FANCD2: variants seen among roughly 807,000 people sequenced by gnomAD.
The protein encoded by FANCD2 is Fanconi anemia group D2 protein.
Under a neutral mutation model 192.3 loss-of-function variants are expected in FANCD2, and 131 were observed. The observed-to-expected ratio is 0.68, with a 90% confidence interval of 0.59 to 0.79. The LOEUF (loss-of-function observed/expected upper bound fraction) is 0.79, where lower values mean the gene tolerates loss of function less well. FANCD2 is among the 30% of genes least tolerant of loss of function. The probability of loss-of-function intolerance (pLI) is 0.00; values close to 1 mark genes in which losing one functional copy is unlikely to be tolerated. For missense variants in FANCD2, 1,508 were observed against 1,701.6 expected, an observed-to-expected ratio of 0.89 and a Z score of 2.00; for synonymous variants, 524 against 612.5, an observed-to-expected ratio of 0.86 and a Z score of 2.13.
chr3:10,034,925 T>A, intron 5 of FANCD2, 127 bp downstream of exon 5: 2 of 790,956 alleles, frequency 2.5e-6, no homozygotes, highest in Non-Finnish European at 4.3e-6. Flanking sequence ...CCTCAGAGTT[T>A]AAACTAAGTT....
intron 43 of FANCD2, chr3:10,099,675 T>TGGTG (rs1695189691): frequency 6.5e-6 from 1 of 153,216 alleles, no homozygotes; most frequent in South Asian, 2.1e-4. Context: ...GGAGAATCAC[T>TGGTG]TGAACCTGGG....
At chr3:10,034,359 A>G (rs1164964995) in intron 3 of FANCD2, 110 bp from the exon 4 acceptor site, 4 of 753,926 alleles carry the variant, frequency 5.3e-6, no homozygotes, top group African/African-American at 1.8e-5. Flanking sequence ...TTGTCTCTGA[A>G]ATTAGGTTGA....
Position 10,042,654 on chromosome 3 carries a change from T to A in FANCD2, c.879T>A (p.Asp293Glu). Residue 293 changes from aspartate to glutamate, a missense_variant, in exon 11 of 44, where the codon GAT (aspartate) becomes GAA (glutamate). Transcript: ENST00000675286. ...KFILHSVTAMDTLEVISELRE... is the reference protein window; with the variant it reads ...KFILHSVTAMETLEVISELRE... ...TTCTTCATTCCGTAACAGCCATGGA[T>A]ACACTTGAGGTATGCTCTTATATCC... The A allele has an allele frequency of 6.2e-7, 1 of 1,613,088 alleles. No individual in the cohort carries two copies. Among genetic ancestry groups the A allele is most frequent in the African/African-American group, 1.3e-5 (1 of 75,034 alleles).
At chr3:10,040,736 C>T (rs2086843720) in intron 9 of FANCD2, 5 of 358,070 alleles carry the variant, frequency 1.4e-5, no homozygotes, top group South Asian at 6.5e-5. Context: ...TGTAATACTT[C>T]CTTTTGTATA....
chr3:10,084,443 C>G (rs546901131), intron 32 of FANCD2, among the ~76,000 whole-genome samples: 1 of 152,112 alleles, frequency 6.6e-6, no homozygotes, highest in Non-Finnish European at 1.5e-5. Context: ...GCATGTACCA[C>G]CATGCCCAGC....
At chr3:10,049,819 C>T (rs1239318035) in intron 17 of FANCD2, among the ~76,000 whole-genome samples, 1 of 152,010 alleles carries the variant, frequency 6.6e-6, no homozygotes. Flanking sequence ...TTAAATTTAG[C>T]CTGGGAAGCT....
intron 14 of FANCD2, among the ~76,000 whole-genome samples, chr3:10,046,157 C>T (rs3930484): frequency 0.03 from 4,486 of 151,548 alleles, 227 homozygotes; most frequent in African/African-American, 0.1. Flanking sequence ...GGGTTCACGC[C>T]ATTCTCCTGC....
In FANCD2 at chr3:10,046,734, G is replaced by A. The variant is rs1172595057; in HGVS notation, c.1278+11G>A. On this transcript the variant is annotated intron_variant, in intron 15 of 43. Transcript: ENST00000675286. Reference sequence around the variant, plus strand: ...TCTGTTCATTACTTAGTAAGTGTCAGAGACTATTGATTTTTAATCTAAAAC... The same window carrying A: ...TCTGTTCATTACTTAGTAAGTGTCAAAGACTATTGATTTTTAATCTAAAAC... 1 of 1,547,144 alleles carries A rather than the reference G, an allele frequency of 6.5e-7. No individual in the cohort carries two copies. Among genetic ancestry groups the A allele is most frequent in the East Asian group, 2.2e-5 (1 of 44,460 alleles).
intron 29 of FANCD2, among the ~76,000 whole-genome samples, chr3:10,075,414 T>C (rs1693479693): frequency 6.6e-6 from 1 of 152,184 alleles, no homozygotes; most frequent in Non-Finnish European, 1.5e-5. Context: ...CTCGATCTCC[T>C]GACCTCGTGA....
chr3:10,060,080 T>G (rs1575783718), intron 18 of FANCD2, among the ~76,000 whole-genome samples: 2 of 150,882 alleles, frequency 1.3e-5, no homozygotes. Flanking sequence ...GGCAGGAGAA[T>G]CGTTTGAACC....
At chr3:10,082,935 A>T (rs966678621) in intron 32 of FANCD2, among the ~76,000 whole-genome samples, 4 of 152,186 alleles carry the variant, frequency 2.6e-5, no homozygotes, top group African/African-American at 9.7e-5. Flanking sequence ...GCAAATAAAC[A>T]TGTGAAAGGG....
chr3:10,030,975 G>C (rs537694913), intron 2 of FANCD2, among the ~76,000 whole-genome samples: 2 of 152,068 alleles, frequency 1.3e-5, no homozygotes, highest in African/African-American at 4.8e-5. Context: ...TAGAGAAATT[G>C]GTAGAAAATT....
intron 26 of FANCD2, among the ~76,000 whole-genome samples, chr3:10,068,475 T>C (rs2087780792): frequency 6.6e-6 from 1 of 151,868 alleles, no homozygotes; most frequent in Non-Finnish European, 1.5e-5. Flanking sequence ...CTATGAAACA[T>C]TGATGCAAGA....
chr3:10,037,806 A>G (rs1048671036), intron 7 of FANCD2, among the ~76,000 whole-genome samples: 2 of 152,228 alleles, frequency 1.3e-5, no homozygotes, highest in African/African-American at 2.4e-5. Context: ...TAGCACTTAT[A>G]TTAGGTTGGT....
At chr3:10,042,752 T>G (rs2086896904) in intron 11 of FANCD2, 89 bp downstream of exon 11, 2 of 1,002,028 alleles carry the variant, frequency 2.0e-6, no homozygotes, top group South Asian at 2.5e-5. Flanking sequence ...GAATACTGAC[T>G]AATCCGGATA....
intron 26 of FANCD2, among the ~76,000 whole-genome samples, chr3:10,069,521 G>A (rs2087818751): frequency 7.5e-6 from 1 of 132,898 alleles, no homozygotes; most frequent in Non-Finnish European, 1.5e-5. Context: ...AGCCAAAGCT[G>A]GACTGTACTG....
At chr3:10,026,920 T>G (rs924530143) in intron 1 of FANCD2, among the ~76,000 whole-genome samples, 1 of 152,214 alleles carries the variant, frequency 6.6e-6, no homozygotes, top group Non-Finnish European at 1.5e-5. Context: ...TTATTAGAAG[T>G]CATTATAATC....
chr3:10,053,490 C>A (rs915575724), intron 18 of FANCD2, among the ~76,000 whole-genome samples: 1 of 151,492 alleles, frequency 6.6e-6, no homozygotes, highest in Non-Finnish European at 1.5e-5. Context: ...AACTAACCTG[C>A]ACATTGTGCA....
intron 41 of FANCD2, 136 bp downstream of exon 41, chr3:10,095,410 C>T (rs1694894230): frequency 1.3e-6 from 1 of 749,058 alleles, no homozygotes; most frequent in Non-Finnish European, 2.4e-6. Context: ...TTATTCAGAG[C>T]AAATCCTTAG....
Sources: gnomAD v4.1 joint callset for allele counts (sites outside exome capture counted in the v4.1 genomes callset) on GRCh38, gnomAD v4.1.1 for gene constraint, MANE v1.5 for transcripts, NCBI Gene and HGNC (gene_info 2026-07-23, HGNC 2026-07-21) for gene names.